The following ATP9B variants were observed in gnomAD, a reference collection of about 807,000 sequenced individuals.
The protein encoded by ATP9B is probable phospholipid-transporting ATPase IIB.
In ATP9B, 110 loss-of-function variants were observed where a neutral mutation model predicts 146.1. The observed-to-expected ratio is 0.75, with a 90% CI of 0.65 to 0.88. ATP9B has a LOEUF of 0.88. ATP9B is among the 40% of genes least tolerant of loss of function. The probability of loss-of-function intolerance (pLI) is 0.00; values close to 1 mark genes in which losing one functional copy is unlikely to be tolerated. For synonymous variants in ATP9B, 604 were observed against 569.7 expected (o/e 1.06, Z -0.86); for missense variants, 1,499 against 1,496.4 (o/e 1.00, Z -0.03).
chr18:79,241,371 C>T (rs1362304146), intron 11 of ATP9B, among the ~76,000 whole-genome samples: 3 of 152,110 alleles, frequency 2.0e-5, no homozygotes, highest in East Asian at 1.9e-4. Context: ...TCTTGACAAA[C>T]GACTCTGAGA....
At chr18:79,137,522 G>A (rs767668918) in intron 5 of ATP9B, among the ~76,000 whole-genome samples, 10 of 152,158 alleles carry the variant, frequency 6.6e-5, no homozygotes, top group East Asian at 5.8e-4. Context: ...GAGGCCAGAC[G>A]TGCTCTGTGG....
chr18:79,297,266 A>G (rs2096558365), intron 13 of ATP9B, among the ~76,000 whole-genome samples: 1 of 150,912 alleles, frequency 6.6e-6, no homozygotes. Flanking sequence ...CAGAGAGAAG[A>G]CAGAGAGATG....
At chr18:79,233,553 G>T (rs749612297) in intron 11 of ATP9B, among the ~76,000 whole-genome samples, 1 of 152,194 alleles carries the variant, frequency 6.6e-6, no homozygotes, top group Admixed American at 6.5e-5. Context: ...AAAGGCACAC[G>T]CATGACACTT....
chr18:79,222,178 T>C (rs558473753), intron 11 of ATP9B, among the ~76,000 whole-genome samples: 4 of 151,868 alleles, frequency 2.6e-5, no homozygotes, highest in Non-Finnish European at 5.9e-5. Context: ...CCCAATATGG[T>C]GAAACCCCGT....
chr18:79,257,098 G>A (rs1259948027), intron 12 of ATP9B, among the ~76,000 whole-genome samples: 2 of 152,110 alleles, frequency 1.3e-5, no homozygotes, highest in African/African-American at 2.4e-5. Flanking sequence ...TCAGGAGTTT[G>A]GGACTAGCCT....
rs1268145425 is a variant in ATP9B at position 79,239,906 on chromosome 18, G to T, written c.1108-13475G>T. ...GCTAAGCGTTCCCAAAGGATGAGCG[G>T]AGAGGCTTGCTCTGCCTGCGTCCCC... is the stretch of plus-strand genomic sequence containing the variant. On this transcript the variant is annotated intron_variant, in intron 11 of 29. Transcript: ENST00000426216. The surrounding 1 kb of genome is among the most constrained non-coding windows in gnomAD (Gnocchi z 5.1). Among the ~76,000 whole-genome samples the T allele has an allele frequency of 6.6e-6, 1 of 152,212 alleles. No individual in the cohort carries two copies. Among genetic ancestry groups the T allele is most frequent in the African/African-American group, 2.4e-5 (1 of 41,456 alleles).
chr18:79,228,226 A>G (rs1005380646), intron 11 of ATP9B, among the ~76,000 whole-genome samples: 2 of 152,238 alleles, frequency 1.3e-5, no homozygotes, highest in Non-Finnish European at 2.9e-5. Flanking sequence ...TTGCTTGATG[A>G]GCAGAATTTT....
chr18:79,349,566 G>GT (rs931340737), intron 25 of ATP9B, among the ~76,000 whole-genome samples: 1 of 152,182 alleles, frequency 6.6e-6, no homozygotes, highest in Non-Finnish European at 1.5e-5. Context: ...TCTAAACACC[G>GT]TTTCACTCGA....
chr18:79,263,273 C>G (rs1354878008), intron 12 of ATP9B, among the ~76,000 whole-genome samples: 1 of 152,174 alleles, frequency 6.6e-6, no homozygotes, highest in African/African-American at 2.4e-5. Flanking sequence ...TCCATGGATA[C>G]CAGAACGCAT....
intron 1 of ATP9B, among the ~76,000 whole-genome samples, chr18:79,086,793 A>G (rs1184055376): frequency 6.6e-6 from 1 of 152,220 alleles, no homozygotes; most frequent in Non-Finnish European, 1.5e-5. Context: ...GTTATTGTAT[A>G]TATGATTCCC....
At chr18:79,242,478 C>A (rs1166236567) in intron 11 of ATP9B, among the ~76,000 whole-genome samples, 2 of 152,214 alleles carry the variant, frequency 1.3e-5, no homozygotes, top group Admixed American at 1.3e-4. Flanking sequence ...TCCTGACATG[C>A]ATCATTAAAC....
intron 15 of ATP9B, among the ~76,000 whole-genome samples, chr18:79,323,998 G>C (rs76859179): frequency 0.032 from 4,939 of 152,300 alleles, 122 homozygotes; most frequent in Non-Finnish European, 0.042. Context: ...TTTAACTGGG[G>C]TGAGGTGATA....
chr18:79,297,990 T>C (rs2096565172), intron 13 of ATP9B, among the ~76,000 whole-genome samples: 1 of 146,612 alleles, frequency 6.8e-6, no homozygotes, highest in African/African-American at 2.5e-5. Flanking sequence ...CTGAAGAGAA[T>C]CTTAAAGAGC....
chr18:79,287,564 C>G (rs1430983727), intron 13 of ATP9B, among the ~76,000 whole-genome samples: 1 of 151,490 alleles, frequency 6.6e-6, no homozygotes, highest in Non-Finnish European at 1.5e-5. Context: ...TTTCAAAAAA[C>G]CAGCTCCTGG....
intron 13 of ATP9B, among the ~76,000 whole-genome samples, chr18:79,290,629 G>C (rs1369114533): frequency 2.0e-5 from 3 of 152,144 alleles, no homozygotes; most frequent in Non-Finnish European, 2.9e-5. Flanking sequence ...CACTGTCCTG[G>C]GCCCACTGTC....
intron 4 of ATP9B, 138 bp from the exon 5 acceptor site, chr18:79,126,129 T>C (rs1364700581): frequency 6.3e-6 from 4 of 635,450 alleles, no homozygotes; most frequent in African/African-American, 1.8e-5. Flanking sequence ...TGTTACTTTT[T>C]GACTTTTTTG....
chr18:79,344,133 A>G (rs1427035651), intron 20 of ATP9B, 132 bp from the exon 21 acceptor site: 2 of 835,188 alleles, frequency 2.4e-6, no homozygotes, highest in South Asian at 3.2e-5. Flanking sequence ...GGGTCCAAAT[A>G]CTAAAGCTCC....
At chr18:79,211,237 G>C (rs188291725) in intron 10 of ATP9B, among the ~76,000 whole-genome samples, 1 of 152,142 alleles carries the variant, frequency 6.6e-6, no homozygotes. Context: ...AGCATTCTTT[G>C]TCTTGCTTTG....
chr18:79,092,077 G>A (rs2074369717), intron 1 of ATP9B, among the ~76,000 whole-genome samples: 1 of 152,094 alleles, frequency 6.6e-6, no homozygotes, highest in Non-Finnish European at 1.5e-5. Context: ...TTTGACTAGT[G>A]TTTGCATTAT....
Sources: gnomAD v4.1 joint callset for allele counts (sites outside exome capture counted in the v4.1 genomes callset) on GRCh38, gnomAD v4.1.1 for gene constraint, Gnocchi (gnomAD v3.1) non-coding constraint, MANE v1.5 for transcripts, NCBI Gene and HGNC (gene_info 2026-07-23, HGNC 2026-07-21) for gene names.